CCDC3: variants seen among roughly 807,000 people sequenced by gnomAD.
CCDC3 encodes the protein coiled-coil domain-containing protein 3.
In CCDC3, 24 loss-of-function variants were observed where a neutral mutation model predicts 21.4. The ratio of observed to expected loss-of-function variants is 1.12; its 90% CI spans 0.81 to 1.58. The LOEUF is 1.58. Among genes scored for constraint, CCDC3 ranks in the 40% most tolerant of loss-of-function variants. The pLI is 0.00. For missense variants in CCDC3, 425 were observed against 360.9 expected, an observed-to-expected ratio of 1.18 and a Z score of -1.44; for synonymous variants, 186 against 166.0, an observed-to-expected ratio of 1.12 and a Z score of -0.93.
At chr10:13,011,563 T>TC (rs1461846245) in intron 5 of CCDC3, among the ~76,000 whole-genome samples, 2 of 152,108 alleles carry the variant, frequency 1.3e-5, no homozygotes, top group African/African-American at 4.8e-5. Context: ...GGAAAAATAT[T>TC]CCATGCTCAT....
intron 2 of CCDC3, among the ~76,000 whole-genome samples, chr10:12,982,151 A>G (rs1175892277): frequency 7.8e-6 from 1 of 127,572 alleles, no homozygotes; most frequent in Non-Finnish European, 1.7e-5. Context: ...AAAAAAAAAA[A>G]GTGAGCTACC....
chr10:12,899,418 A>C (rs1303364994), intron 2 of CCDC3, among the ~76,000 whole-genome samples: 1 of 152,188 alleles, frequency 6.6e-6, no homozygotes, highest in Admixed American at 6.5e-5. Context: ...GGCTCTGTCA[A>C]AATAACTGCA....
chr10:13,041,412 C>T (rs1836452228), intron 5 of CCDC3, among the ~76,000 whole-genome samples: 1 of 151,136 alleles, frequency 6.6e-6, no homozygotes, highest in Non-Finnish European at 1.5e-5. Flanking sequence ...CGTCTTGGCT[C>T]CACACCGTGA....
At position 12,996,336 on chromosome 10, in the gene CCDC3, ATGTT is replaced by A. The variant is rs1835761373; in HGVS notation, c.549+1998_549+2001del. 2.6e-5 allele frequency among the ~76,000 whole-genome samples: 4 copies of A among 152,084 alleles called. No homozygotes were observed. In the South Asian group the frequency reaches 6.2e-4, roughly 24 times the overall value. ...TCAGTAGGGCAGAGCTGAGGAATGT[ATGTT>A]TGTTTGTTTCTTTGAGATGGAGTCT... On this transcript the variant is annotated intron_variant, in intron 2 of 2. Transcript: ENST00000378825.
At chr10:12,971,100 A>T (rs1248487971) in intron 2 of CCDC3, among the ~76,000 whole-genome samples, 1 of 152,168 alleles carries the variant, frequency 6.6e-6, no homozygotes, top group Non-Finnish European at 1.5e-5. Flanking sequence ...TATACCGTTA[A>T]TGTGAATCAG....
intron 2 of CCDC3, among the ~76,000 whole-genome samples, chr10:12,949,670 T>G (rs1201200939): frequency 6.6e-6 from 1 of 152,240 alleles, no homozygotes; most frequent in Non-Finnish European, 1.5e-5. Flanking sequence ...AATCGCAGGT[T>G]CACTTTCCTA....
intron 2 of CCDC3, among the ~76,000 whole-genome samples, chr10:12,944,019 A>G (rs1490943715): frequency 6.6e-6 from 1 of 152,200 alleles, no homozygotes; most frequent in Non-Finnish European, 1.5e-5. Flanking sequence ...GACCAGTGTT[A>G]ACATTAAAAC....
chr10:13,044,533 G>A (rs996192486), intron 5 of CCDC3, among the ~76,000 whole-genome samples: 1 of 152,122 alleles, frequency 6.6e-6, no homozygotes, highest in African/African-American at 2.4e-5. Context: ...TACATGAAGG[G>A]TAAGGATCCA....
intron 5 of CCDC3, among the ~76,000 whole-genome samples, chr10:13,018,602 T>C (rs1471679218): frequency 6.6e-6 from 1 of 152,072 alleles, no homozygotes; most frequent in East Asian, 1.9e-4. Flanking sequence ...CTCACAGGAT[T>C]TTCGTCTTAG....
chr10:13,076,421 A>G (rs1371699184), intron 3 of CCDC3, among the ~76,000 whole-genome samples: 1 of 152,244 alleles, frequency 6.6e-6, no homozygotes, highest in African/African-American at 2.4e-5. Flanking sequence ...AAACAGATTG[A>G]TAACCTTTAC....
intron 2 of CCDC3, among the ~76,000 whole-genome samples, chr10:12,935,668 ATTT>A (rs369781761): frequency 6.2e-4 from 87 of 140,952 alleles, no homozygotes; most frequent in Non-Finnish European, 8.7e-4. Context: ...ATCCAAGTAC[ATTT>A]TTTTTTTTTT....
intron 2 of CCDC3, among the ~76,000 whole-genome samples, chr10:12,938,720 T>G (rs551651687): frequency 2.0e-5 from 3 of 152,330 alleles, no homozygotes; most frequent in South Asian, 4.1e-4. Context: ...GCTCGTGCCT[T>G]CACTTCTTTG....
At chr10:13,051,635 T>G (rs1315689670) in intron 4 of CCDC3, among the ~76,000 whole-genome samples, 1 of 152,094 alleles carries the variant, frequency 6.6e-6, no homozygotes, top group Non-Finnish European at 1.5e-5. Context: ...AGGACAGACT[T>G]CAGATGTTAC....
At chr10:13,032,595 T>A (rs532851966) in intron 5 of CCDC3, among the ~76,000 whole-genome samples, 1 of 152,292 alleles carries the variant, frequency 6.6e-6, no homozygotes, top group South Asian at 2.1e-4. Flanking sequence ...GAAAACCCCA[T>A]CATCTCAGCC....
At position 13,084,680 on chromosome 10, in the gene CCDC3, G is replaced by A. The variant is rs149635032; in HGVS notation, c.-502-10580C>T. ...CGAGATCCAATAACCCTCTCTTGGG[G>A]TCTAGATCGGGACTCCTTTCCAGTA... On this transcript the variant is annotated intron_variant, in intron 3 of 6. Coordinates refer to the CCDC3 transcript ENST00000378839. 7.5e-3 allele frequency among the ~76,000 whole-genome samples: 1,136 copies of A among 152,286 alleles called. 6 individuals are homozygous for A. The highest frequency in any genetic ancestry group is 0.027 in the Middle Eastern group (8 of 294).
intron 4 of CCDC3, among the ~76,000 whole-genome samples, chr10:13,057,342 A>G (rs637440): frequency 0.35 from 53,157 of 151,836 alleles, 9,617 homozygotes; most frequent in African/African-American, 0.4. Context: ...AAGACTTTTC[A>G]TGATTCCTTC....
Position 12,898,188 on chromosome 10 carries a change from G to A in CCDC3, c.*228C>T. The A allele has an allele frequency of 1.7e-6, 1 of 575,540 alleles. No individual in the cohort carries two copies. The highest frequency in any genetic ancestry group is 2.4e-5 in the South Asian group (1 of 41,738). 35.7% of individuals were successfully genotyped at this position (575,540 alleles called of 1,614,324 possible). On this transcript the variant is annotated 3_prime_UTR_variant, in exon 3 of 3. Transcript: ENST00000378825. ...GGATCCCACTGCCTCTGGACTGCCA[G>A]GCACTGCGTCTGGGGTCAGGCCAGG...
rs1834783217 is a variant in CCDC3, at chr10:12,939,229, T to C, written c.550-40550A>G. ...TTCCAGGCCAGTGGACAAGGTGTCC[T>C]TCTGAGTAAGGTAAATTCCTACTCC... On this transcript the variant is annotated intron_variant, in intron 2 of 2. Transcript: ENST00000378825. Among the ~76,000 whole-genome samples, 3 of 152,398 alleles carry C rather than the reference T, an allele frequency of 2.0e-5. No homozygotes were observed. The East Asian group carries it at 5.8e-4, about 29-fold the overall frequency.
intron 5 of CCDC3, among the ~76,000 whole-genome samples, chr10:13,012,519 T>C (rs1003426081): frequency 6.6e-6 from 1 of 152,078 alleles, no homozygotes; most frequent in African/African-American, 2.4e-5. Context: ...ATGGCTATTA[T>C]TTAAAAAGTC....
Sources: allele counts gnomAD v4.1 joint callset (sites outside exome capture counted in the v4.1 genomes callset), GRCh38; gene constraint gnomAD v4.1.1; transcripts MANE v1.5; gene names NCBI Gene and HGNC (gene_info 2026-07-23, HGNC 2026-07-21).